ULK4: variants seen among roughly 807,000 people sequenced by gnomAD.
ULK4 encodes inactive serine/threonine-protein kinase ULK4.
A neutral mutation model predicts 160.6 loss-of-function variants in ULK4; 133 were observed. The ratio of observed to expected loss-of-function variants is 0.83; its 90% confidence interval spans 0.72 to 0.96. The LOEUF is 0.96. Ranked by LOEUF, ULK4 falls within the 40% of genes least tolerant of loss-of-function variation. The pLI, the probability that ULK4 is intolerant of heterozygous loss-of-function variation, is 0.00. For synonymous variants in ULK4, 534 were observed against 539.8 expected (o/e 0.99, Z 0.15); for missense variants, 1,580 against 1,499.5 (o/e 1.05, Z -0.89).
chr3:41,707,072 C>T (rs1559498992), intron 25 of ULK4, among the ~76,000 whole-genome samples: 1 of 151,902 alleles, frequency 6.6e-6, no homozygotes, highest in Non-Finnish European at 1.5e-5. Flanking sequence ...CAGAGATAAC[C>T]ACTATCATGT....
chr3:41,475,253 C>T (rs909234693), intron 32 of ULK4, among the ~76,000 whole-genome samples: 1 of 152,136 alleles, frequency 6.6e-6, no homozygotes, highest in Admixed American at 6.5e-5. Context: ...AAGACAAATA[C>T]CACATGTTCT....
chr3:41,831,824 T>A (rs2041599682), intron 18 of ULK4, among the ~76,000 whole-genome samples: 1 of 152,114 alleles, frequency 6.6e-6, no homozygotes, highest in Non-Finnish European at 1.5e-5. Flanking sequence ...CCTGTGTTAG[T>A]TTGCTGAGGA....
At chr3:41,838,291 A>C (rs73830520) in intron 17 of ULK4, among the ~76,000 whole-genome samples, 9,045 of 152,250 alleles carry the variant, frequency 0.059, 883 homozygotes, top group African/African-American at 0.2. Context: ...GTTGAGCAAA[A>C]ATTGTAAAAA....
At chr3:41,921,330 G>A (rs182628678) in intron 5 of ULK4, among the ~76,000 whole-genome samples, 3 of 151,340 alleles carry the variant, frequency 2.0e-5, no homozygotes, top group Non-Finnish European at 4.4e-5. Context: ...AATAAACGAG[G>A]GCCGGGCACG....
In ULK4 at chr3:41,650,741, C is replaced by T. The variant is rs576176778; in HGVS notation, c.3071+12866G>A. On this transcript the variant is annotated intron_variant, in intron 30 of 36. Coordinates refer to ENST00000301831, the MANE Select transcript of ULK4 (RefSeq NM_017886.4). Reference sequence around the variant, plus strand: ...GGCCAGAGCAAAACTCAGGCGAAGGCGCCAGCAGCCACAGAGGTTTCCAGC... The same window carrying T: ...GGCCAGAGCAAAACTCAGGCGAAGGTGCCAGCAGCCACAGAGGTTTCCAGC... Among the ~76,000 whole-genome samples the T allele has an allele frequency of 9.2e-5, 14 of 152,288 alleles. No homozygotes were observed. The South Asian group carries it at 2.3e-3, about 25-fold the overall frequency.
At chr3:41,892,979 T>G (rs532798189) in intron 16 of ULK4, among the ~76,000 whole-genome samples, 1 of 152,330 alleles carries the variant, frequency 6.6e-6, no homozygotes, top group East Asian at 1.9e-4. Flanking sequence ...ATTGAAGCCT[T>G]CTTCCCTAGC....
At chr3:41,414,938 A>C (rs2082492119) in intron 34 of ULK4, among the ~76,000 whole-genome samples, 1 of 152,188 alleles carries the variant, frequency 6.6e-6, no homozygotes, top group South Asian at 2.1e-4. Flanking sequence ...ATTTTTACTA[A>C]TTTAGTTTTG....
chr3:41,801,573 G>T (rs1208655812), intron 19 of ULK4, among the ~76,000 whole-genome samples: 1 of 151,818 alleles, frequency 6.6e-6, no homozygotes, highest in Non-Finnish European at 1.5e-5. Flanking sequence ...TTATGGACAA[G>T]GAGCAATGTC....
intron 32 of ULK4, among the ~76,000 whole-genome samples, chr3:41,505,330 A>G (rs1490427550): frequency 6.6e-6 from 1 of 152,112 alleles, no homozygotes; most frequent in Non-Finnish European, 1.5e-5. Context: ...AACATCAAAG[A>G]TTAATTTGCT....
intron 31 of ULK4, among the ~76,000 whole-genome samples, chr3:41,584,969 C>CA (rs1411533966): frequency 3.3e-5 from 5 of 151,920 alleles, no homozygotes; most frequent in Non-Finnish European, 7.4e-5. Flanking sequence ...GACTTGTACA[C>CA]AAAAAACTAT....
chr3:41,687,036 G>A (rs1325245568), intron 27 of ULK4, among the ~76,000 whole-genome samples: 2 of 151,944 alleles, frequency 1.3e-5, no homozygotes, highest in African/African-American at 4.8e-5. Context: ...TGAGCTATGA[G>A]TGCACCACTG....
intron 18 of ULK4, among the ~76,000 whole-genome samples, chr3:41,831,309 T>C (rs2041574382): frequency 1.3e-5 from 2 of 151,674 alleles, no homozygotes; most frequent in African/African-American, 4.8e-5. Context: ...GGAAATGTTC[T>C]ATCACATAAA....
At chr3:41,749,571 G>A (rs2038545007) in intron 22 of ULK4, among the ~76,000 whole-genome samples, 1 of 152,130 alleles carries the variant, frequency 6.6e-6, no homozygotes, top group South Asian at 2.1e-4. Flanking sequence ...GGTAGGACGG[G>A]CTAAGCTATG....
intron 34 of ULK4, among the ~76,000 whole-genome samples, chr3:41,432,690 T>A (rs914641018): frequency 6.6e-6 from 1 of 152,200 alleles, no homozygotes; most frequent in Non-Finnish European, 1.5e-5. Flanking sequence ...ATGCATGGAA[T>A]AAATACAACC....
intron 32 of ULK4, among the ~76,000 whole-genome samples, chr3:41,489,027 C>G (rs1186121601): frequency 6.6e-6 from 1 of 152,092 alleles, no homozygotes; most frequent in Non-Finnish European, 1.5e-5. Context: ...CCCCCTTCTG[C>G]CTCCTCCAAA....
intron 29 of ULK4, among the ~76,000 whole-genome samples, chr3:41,664,980 A>G (rs2035308625): frequency 6.6e-6 from 1 of 152,188 alleles, no homozygotes; most frequent in Non-Finnish European, 1.5e-5. Flanking sequence ...GCTCTCCAGT[A>G]TGCAGCACTG....
chr3:41,694,493 G>C (rs776238059), intron 27 of ULK4, among the ~76,000 whole-genome samples: 3 of 152,112 alleles, frequency 2.0e-5, no homozygotes, highest in Non-Finnish European at 4.4e-5. Context: ...AGGAGGATGG[G>C]ATAGGGCAGA....
At chr3:41,460,947 G>A (rs2083669957) in intron 33 of ULK4, among the ~76,000 whole-genome samples, 1 of 152,038 alleles carries the variant, frequency 6.6e-6, no homozygotes, top group Non-Finnish European at 1.5e-5. Context: ...GTGTGTCTGG[G>A]ATTTGAATCT....
chr3:41,693,922 G>A (rs2125811224), intron 27 of ULK4, among the ~76,000 whole-genome samples: 1 of 152,330 alleles, frequency 6.6e-6, no homozygotes, highest in Admixed American at 6.5e-5. Flanking sequence ...TAGGAGTGGG[G>A]AAGGGAGCTA....
Sources: allele counts gnomAD v4.1 joint callset (sites outside exome capture counted in the v4.1 genomes callset), GRCh38; gene constraint gnomAD v4.1.1; transcripts MANE v1.5; gene names NCBI Gene and HGNC (gene_info 2026-07-23, HGNC 2026-07-21).